ATF6B: variants seen among roughly 807,000 people sequenced by gnomAD.
ATF6B encodes activating transcription factor 6 beta.
Under a neutral mutation model 83.5 loss-of-function variants are expected in ATF6B, and 50 were observed. The observed-to-expected ratio is 0.60, with a 90% CI of 0.48 to 0.76. The LOEUF (loss-of-function observed/expected upper bound fraction) is 0.76, where lower values mean the gene tolerates loss of function less well. ATF6B is among the 30% of genes least tolerant of loss of function. ATF6B has a pLI of 0.00. For synonymous variants in ATF6B, 344 were observed against 362.8 expected (o/e 0.95, Z 0.59); for missense variants, 790 against 893.8 (o/e 0.88, Z 1.48).
At chr6:32,120,447 CTTT>C (rs1196247142) in intron 8 of ATF6B, 6 of 149,776 alleles carry the variant, frequency 4.0e-5, no homozygotes, top group Admixed American at 2.3e-4. Context: ...TTTGGTTTTT[CTTT>C]TTTCTTTTTT....
rs1389389363 is a variant in ATF6B at position 32,119,844 on chromosome 6, A to C, written c.946T>G (p.Ser316Ala). Residue 316 changes from serine (S) to alanine (A), a missense_variant, in exon 9 of 18, where the codon TCC (serine) becomes GCC (alanine). By Grantham distance (99) the Ser-to-Ala change is moderately conservative. Transcript: ENST00000375203. The surrounding 1 kb of genome is among the most constrained non-coding windows in gnomAD (Gnocchi z 4.9). ...CTTACATCCACTTCAGGCGGGCAGG[A>C]GTTTCCAGGCATAGGAGCGGGAACG... ...SIVPAPMPGNSCPPEVDAKLL... is the reference protein window; with the variant it reads ...SIVPAPMPGNACPPEVDAKLL... 7 of 1,614,050 alleles carry C rather than the reference A, an allele frequency of 4.3e-6. No individual in the cohort carries two copies. The highest frequency in any genetic ancestry group is 5.9e-6 in the Non-Finnish European group (7 of 1,180,010).
intron 5 of ATF6B, 48 bp from the exon 6 acceptor site, chr6:32,121,396 AAGGGTTAAG>A (rs1224987918): frequency 8.3e-6 from 13 of 1,559,012 alleles, no homozygotes; most frequent in South Asian, 5.6e-5. Flanking sequence ...GTAAACACTG[AAGGGTTAAG>A]AGGGTTAAGA....
Position 32,126,267 on chromosome 6 carries a change from G to T in ATF6B, c.343-15C>A, listed in dbSNP as rs765138882. 2.5e-6 allele frequency: 4 copies of T among 1,613,368 alleles called. No homozygotes were observed. The highest frequency in any genetic ancestry group is 3.4e-6 in the Non-Finnish European group (4 of 1,179,718). On this transcript the variant is annotated splice_polypyrimidine_tract_variant and intron_variant, in intron 4 of 17. Transcript: ENST00000375203. ...ACCCCAAGAGCCTGGGTGAGAGTTG[G>T]TGTGGGGCAGGGGGCAGAAAGAAGG...
chr6:32,127,861 G>A, intron 1 of ATF6B, 111 bp from the exon 2 acceptor site: 1 of 1,235,058 alleles, frequency 8.1e-7, no homozygotes, highest in Non-Finnish European at 1.2e-6. Flanking sequence ...CCCACCGCCC[G>A]CCCACTTGAA....
chr6:32,119,772 T>C lies in ATF6B; in HGVS notation c.966+52A>G. On this transcript the variant is annotated intron_variant, in intron 9 of 17. Transcript: ENST00000375203. This position sits in a 1 kb window ranked among gnomAD's most constrained non-coding sequence, Gnocchi z 4.9. ...CCACAGTTCTCTCTATGGCAAGACT[T>C]CCCTCTTCCCTTCCCATCACTCGCC... is the stretch of plus-strand genomic sequence containing the variant. The C allele has an allele frequency of 6.3e-7, 1 of 1,597,116 alleles. No homozygotes were observed. Among genetic ancestry groups the C allele is most frequent in the Non-Finnish European group, 8.5e-7 (1 of 1,169,776 alleles).
chr6:32,116,490 C>T lies in ATF6B; in HGVS notation c.1872G>A (p.Met624Ile). The T allele has an allele frequency of 6.2e-7, 1 of 1,609,584 alleles. No individual in the cohort carries two copies. Among genetic ancestry groups the T allele is most frequent in the African/African-American group, 1.3e-5 (1 of 74,946 alleles). The change falls in exon 17 of 18, where the codon ATG becomes ATA. Residue 624 changes from methionine (M) to isoleucine (I), a missense_variant. By Grantham distance (10) the Met-to-Ile change is conservative. Coordinates refer to ENST00000375203, the MANE Select transcript of ATF6B (RefSeq NM_004381.5). The surrounding 1 kb of genome is among the most constrained non-coding windows in gnomAD (Gnocchi z 5.1). ...RPKMSLVMPA[M>I]APNETLSGRG... ...CAGGGAAAGAGTTACCATTGGGGGC[C>T]ATGGCAGGCATCACCAGGGACATCT...
chr6:32,117,285 C>G lies in ATF6B; in HGVS notation c.1614+38G>C, dbSNP rs879079626. On this transcript the variant is annotated intron_variant, in intron 14 of 17. Coordinates refer to ENST00000375203, the MANE Select transcript of ATF6B (RefSeq NM_004381.5). This position sits in a 1 kb window ranked among gnomAD's most constrained non-coding sequence, Gnocchi z 5.0. The stretch of plus-strand genomic sequence containing the variant: ...CCCAGACAAGGCCTTTAGCCCTTGT[C>G]TTCAAGTGGCCTTCCTTGAACCAGC... 1.2e-6 allele frequency: 2 copies of G among 1,603,604 alleles called. No individual in the cohort carries two copies. Among genetic ancestry groups the G allele is most frequent in the African/African-American group, 1.3e-5 (1 of 74,592 alleles).
In ATF6B at chr6:32,117,938, G is replaced by A; in HGVS notation, c.1345C>T (p.Gln449Ter). ...LLGFSEQEPV[Q>*]GVEPLQGSSQ... ...GACCCCTGGAGAGGTTCAACTCCCT[G>A]AACTGGCTCTTGCTCTGAGAACCCC... is the stretch of plus-strand genomic sequence containing the variant. Residue 449 changes from glutamine (Q) to a stop codon, truncating the protein, a stop_gained, in exon 12 of 18, where the codon CAG becomes TAG. Coordinates refer to ENST00000375203, the MANE Select transcript of ATF6B (RefSeq NM_004381.5). LOFTEE classifies it high-confidence loss of function. The surrounding 1 kb of genome is among the most constrained non-coding windows in gnomAD (Gnocchi z 5.0). 6.2e-7 allele frequency: 1 copy of A among 1,612,176 alleles called. No individual in the cohort carries two copies.
In ATF6B at chr6:32,117,876, T is replaced by C; in HGVS notation, c.1407A>G (p.Thr469=). 1.3e-6 allele frequency: 2 copies of C among 1,570,190 alleles called. No homozygotes were observed. Among genetic ancestry groups the C allele is most frequent in the Non-Finnish European group, 1.7e-6 (2 of 1,161,374 alleles). The stretch of plus-strand genomic sequence containing the variant: ...CTCCTCACCTGAAACTGGGCTGGTC[T>C]GTGGGGCTGGGCTGGGGCTCCTTAG... The part of the protein sequence containing the change: ...QGPKEPQPSP[T]DQPSFSNLTA... The change falls in exon 12 of 18, where the codon ACA becomes ACG. Residue 469 remains threonine (T), a synonymous_variant. Transcript: ENST00000375203. This position sits in a 1 kb window ranked among gnomAD's most constrained non-coding sequence, Gnocchi z 5.0.
At chr6:32,121,234 C>A in intron 6 of ATF6B, 29 bp downstream of exon 6, 1 of 1,612,590 alleles carries the variant, frequency 6.2e-7, no homozygotes, top group South Asian at 1.1e-5. Context: ...ACTGGAAAAC[C>A]TGGAGGAAGG....
At position 32,117,644 on chromosome 6, in the gene ATF6B, A is replaced by C; in HGVS notation, c.1475T>G (p.Leu492Arg). The C allele has an allele frequency of 6.2e-7, 1 of 1,614,216 alleles. No homozygotes were observed. Among genetic ancestry groups the C allele is most frequent in the Non-Finnish European group, 8.5e-7 (1 of 1,180,032 alleles). Residue 492 changes from leucine to arginine, a missense_variant, in exon 13 of 18, where the codon CTA (leucine) becomes CGA (arginine). Around this residue, in one of 3 missense-constraint regions of ATF6B, gnomAD observed 530 missense variants for 632.6 expected, o/e 0.84. Transcript: ENST00000375203. This position sits in a 1 kb window ranked among gnomAD's most constrained non-coding sequence, Gnocchi z 5.0. ...ATCAGAGGAGAGGAAGAGCTGGTCT[A>C]GGTCTCTTAGTAGTAGCTCCTTGGC... ...GGAKELLLRD[L>R]DQLFLSSDCR...
Position 32,119,170 on chromosome 6 carries a change from G to A in ATF6B, c.967-29C>T, listed in dbSNP as rs756200969. On this transcript the variant is annotated intron_variant, in intron 9 of 17. Transcript: ENST00000375203. This position sits in a 1 kb window ranked among gnomAD's most constrained non-coding sequence, Gnocchi z 4.9. Reference sequence around the variant, plus strand: ...GGCACCCGGAAGGTCAAAAAAGAATGACAGATGAGTTGGCAGAAGGAGACT... The same window carrying A: ...GGCACCCGGAAGGTCAAAAAAGAATAACAGATGAGTTGGCAGAAGGAGACT... The A allele has an allele frequency of 4.4e-6, 7 of 1,588,532 alleles. No individual in the cohort carries two copies. Among genetic ancestry groups the A allele is most frequent in the Non-Finnish European group, 6.0e-6 (7 of 1,170,550 alleles).
intron 8 of ATF6B, 64 bp downstream of exon 8, chr6:32,120,707 T>C: frequency 6.4e-7 from 1 of 1,569,146 alleles, no homozygotes; most frequent in Non-Finnish European, 8.7e-7. Context: ...CGCCTCAGCC[T>C]CCCAAAGTGC....
chr6:32,119,956 C>T lies in ATF6B; in HGVS notation c.834G>A (p.Val278=). Residue 278 remains valine, a splice_region_variant and synonymous_variant, in exon 9 of 18, where the codon GTG becomes GTA. Coordinates refer to ENST00000375203, the MANE Select transcript of ATF6B (RefSeq NM_004381.5). This position sits in a 1 kb window ranked among gnomAD's most constrained non-coding sequence, Gnocchi z 4.9. The part of the protein sequence containing the change: ...LLQSLVQPPP[V]SPVVLIQGAI... ...CACCCTGGATGAGGACAACTGGGGACACTGGGGCAAGTGAGCAGAGGTCAG... is the reference window on the plus strand; with the variant it reads ...CACCCTGGATGAGGACAACTGGGGATACTGGGGCAAGTGAGCAGAGGTCAG... The T allele has an allele frequency of 6.2e-7, 1 of 1,613,868 alleles. No individual in the cohort carries two copies. Among genetic ancestry groups the T allele is most frequent in the African/African-American group, 1.3e-5 (1 of 75,030 alleles).
intron 5 of ATF6B, among the ~76,000 whole-genome samples, chr6:32,122,615 G>A (rs1490462850): frequency 3.3e-5 from 5 of 151,266 alleles, no homozygotes; most frequent in African/African-American, 4.9e-5. Context: ...TTGGGAGGCC[G>A]AGGCAGGTGG....
chr6:32,124,377 T>A (rs1166237392), intron 5 of ATF6B, among the ~76,000 whole-genome samples: 2 of 152,156 alleles, frequency 1.3e-5, no homozygotes, highest in Non-Finnish European at 2.9e-5. Context: ...AGGTCACAAC[T>A]CATCTATTCC....
chr6:32,119,727 G>T lies in ATF6B; in HGVS notation c.966+97C>A. 3 of 1,517,032 alleles carry T rather than the reference G, an allele frequency of 2.0e-6. No individual in the cohort carries two copies. The highest frequency in any genetic ancestry group is 2.0e-5 in the Admixed American group (1 of 50,424). The allele number at this position is 1,517,032 out of a possible 1,614,324, so 94.0% of individuals were successfully genotyped here. On this transcript the variant is annotated intron_variant, in intron 9 of 17. Transcript: ENST00000375203. This position sits in a 1 kb window ranked among gnomAD's most constrained non-coding sequence, Gnocchi z 4.9. ...CCGTTTCCTCACTTTTTTCTCCTAG[G>T]TATCGACTCCCTCCTCATCCCACAG...
At position 32,115,910 on chromosome 6, in the gene ATF6B, A is replaced by G. The variant is rs377004959; in HGVS notation, c.1941T>C (p.Cys647=). 6 of 1,614,020 alleles carry G rather than the reference A, an allele frequency of 3.7e-6. No homozygotes were observed. The African/African-American group carries it at 5.3e-5, about 14-fold the overall frequency. ...GAATCACCCTGGTGTCCATGACCTCACACTCGATCTGCATCATCTCCTCAT... is the reference window on the plus strand; with the variant it reads ...GAATCACCCTGGTGTCCATGACCTCGCACTCGATCTGCATCATCTCCTCAT... The part of the protein sequence containing the change: ...GDYEEMMQIE[C]EVMDTRVIHI... The change falls in exon 18 of 18, where the codon TGT becomes TGC. Residue 647 remains cysteine, a synonymous_variant. Coordinates refer to ENST00000375203, the MANE Select transcript of ATF6B (RefSeq NM_004381.5).
chr6:32,123,083 C>T (rs1781828237), intron 5 of ATF6B, among the ~76,000 whole-genome samples: 1 of 151,728 alleles, frequency 6.6e-6, no homozygotes, highest in African/African-American at 2.4e-5. Flanking sequence ...AAAAAAATAG[C>T]CGGACATGGT....
Sources: gnomAD v4.1 joint callset for allele counts (sites outside exome capture counted in the v4.1 genomes callset) on GRCh38, gnomAD v4.1.1 for gene constraint, gnomAD v4.1.1 regional missense constraint, Gnocchi (gnomAD v3.1) non-coding constraint, MANE v1.5 for transcripts, NCBI Gene and HGNC (gene_info 2026-07-23, HGNC 2026-07-21) for gene names.